Variants in CTPS2 observed in about 807,000 individuals in gnomAD.
The protein encoded by CTPS2 is CTP synthase 2.
In CTPS2, 19 loss-of-function variants were observed where a neutral mutation model predicts 46.8. The ratio of observed to expected loss-of-function variants is 0.41; its 90% CI spans 0.28 to 0.60. CTPS2 has a LOEUF of 0.60. Among genes scored for constraint, CTPS2 ranks in the 20% least tolerant of loss-of-function variants. The pLI, the probability that CTPS2 is intolerant of heterozygous loss-of-function variation, is 0.35. For synonymous variants in CTPS2, 151 were observed against 165.2 expected (o/e 0.91, Z 0.66); for missense variants, 286 against 447.6 (o/e 0.64, Z 3.26).
chrX:16,654,185 G>A lies in CTPS2; in HGVS notation c.1296+13329C>T, dbSNP rs73207115. The stretch of plus-strand genomic sequence containing the variant: ...TACGCATTGTATTAAAATAACAGAT[G>A]TGTGATATGGAGGACAAAAAGGTAG... On this transcript the variant is annotated intron_variant, in intron 13 of 18. Coordinates refer to ENST00000359276, the MANE Select transcript of CTPS2 (RefSeq NM_175859.3). 3.3e-3 allele frequency among the ~76,000 whole-genome samples: 372 copies of A among 112,744 alleles called. 2 individuals carry two copies. The highest frequency in any genetic ancestry group is 6.0e-3 in the Non-Finnish European group (322 of 53,377).
chrX:16,601,492 C>T (rs1239817045), intron 17 of CTPS2, among the ~76,000 whole-genome samples: 1 of 108,883 alleles, frequency 9.2e-6, no homozygotes, highest in East Asian at 2.9e-4. Flanking sequence ...ACAGGCAAAA[C>T]CCTCTGGGGA....
In CTPS2 at chrX:16,624,941, A is replaced by G. The variant is rs541983455; in HGVS notation, c.1394-4609T>C. ...AAAAACCACCTTTCCAAATTATACC[A>G]TCTCTTTCTCTAATTTGCTACTGGG... On this transcript the variant is annotated intron_variant, in intron 14 of 18. Transcript: ENST00000359276. 9.8e-5 allele frequency among the ~76,000 whole-genome samples: 11 copies of G among 112,037 alleles called. No homozygotes were observed. In the South Asian group the frequency reaches 3.4e-3, roughly 34 times the overall value.
At chrX:16,686,015 T>C (rs1455342590) in intron 8 of CTPS2, among the ~76,000 whole-genome samples, 2 of 110,729 alleles carry the variant, frequency 1.8e-5, no homozygotes, top group Non-Finnish European at 3.8e-5. Context: ...ATAGAGGCTG[T>C]TCCTTTGGCC....
In CTPS2 at chrX:16,693,110, A is replaced by T. The variant is rs376536894; in HGVS notation, c.639+31T>A. 7.8e-5 allele frequency: 77 copies of T among 993,341 alleles called. 1 individual carries two copies. Among genetic ancestry groups the T allele is most frequent in the African/African-American group, 7.5e-4 (39 of 52,205 alleles). The allele number at this position is 993,341 out of a possible 1,213,427, so 81.9% of individuals were successfully genotyped here. A position where few individuals can be genotyped will look rare whatever the true frequency, so the allele number is the denominator to read the frequency against. Reference sequence around the variant, plus strand: ...GAAGGTCCTGCTCCCAGAGACCTTCAGGATAGACTTACCCACTGTCCTCAA... The same window carrying T: ...GAAGGTCCTGCTCCCAGAGACCTTCTGGATAGACTTACCCACTGTCCTCAA... On this transcript the variant is annotated intron_variant, in intron 6 of 18. Coordinates refer to ENST00000359276, the MANE Select transcript of CTPS2 (RefSeq NM_175859.3).
At chrX:16,671,962 C>G (rs1433592070) in intron 10 of CTPS2, among the ~76,000 whole-genome samples, 2 of 110,826 alleles carry the variant, frequency 1.8e-5, no homozygotes, top group Admixed American at 1.9e-4. Flanking sequence ...GGGTTAGAGG[C>G]CCAACTTAGA....
intron 4 of CTPS2, among the ~76,000 whole-genome samples, chrX:16,696,914 T>C (rs1306522127): frequency 9.0e-6 from 1 of 110,767 alleles, no homozygotes; most frequent in Non-Finnish European, 1.9e-5. Flanking sequence ...TATTATCTTA[T>C]TATTATAATA....
At chrX:16,630,347 C>T (rs772980850) in intron 14 of CTPS2, among the ~76,000 whole-genome samples, 10 of 103,439 alleles carry the variant, frequency 9.7e-5, no homozygotes, top group Non-Finnish European at 1.6e-4. Flanking sequence ...CTCTGCCTCC[C>T]GGGTTCCAGC....
intron 13 of CTPS2, among the ~76,000 whole-genome samples, chrX:16,639,735 A>C (rs991341754): frequency 3.9e-5 from 4 of 102,645 alleles, no homozygotes; most frequent in Non-Finnish European, 5.9e-5. Context: ...AAAAAAGAGA[A>C]AGAAAGAAAG....
At chrX:16,643,416 A>T (rs1172798818) in intron 13 of CTPS2, among the ~76,000 whole-genome samples, 2 of 110,766 alleles carry the variant, frequency 1.8e-5, no homozygotes, top group Non-Finnish European at 3.8e-5. Context: ...CATGTTGCCC[A>T]GGCTGGTCTT....
intron 10 of CTPS2, among the ~76,000 whole-genome samples, chrX:16,671,584 G>A (rs1235358767): frequency 1.0e-5 from 1 of 96,016 alleles, no homozygotes; most frequent in Non-Finnish European, 2.0e-5. Flanking sequence ...GCGCGATCTC[G>A]GCCCTCTCCA....
At chrX:16,673,371 G>C (rs765214597) in intron 10 of CTPS2, among the ~76,000 whole-genome samples, 48 of 110,982 alleles carry the variant, frequency 4.3e-4, no homozygotes, top group African/African-American at 1.4e-3. Flanking sequence ...AACTAGATAA[G>C]GGTTCCCTCT....
In CTPS2 at chrX:16,639,132, A is replaced by G. The variant is rs1931918076; in HGVS notation, c.1393+15T>C. On this transcript the variant is annotated intron_variant, in intron 14 of 18. Transcript: ENST00000359276. The stretch of plus-strand genomic sequence containing the variant: ...CATCCAACATCTTGTAAAATAAACA[A>G]TATGGGAAACTTACTTAATATTGAA... 9.6e-6 allele frequency: 11 copies of G among 1,146,146 alleles called. No homozygotes were observed. Among genetic ancestry groups the G allele is most frequent in the African/African-American group, 1.8e-5 (1 of 55,953 alleles). 94.5% of individuals were successfully genotyped at this position (1,146,146 alleles called of 1,213,427 possible).
rs768315716 is a variant in CTPS2 at position 16,620,289 on chromosome X, T to C, written c.1437A>G (p.Arg479=). The change falls in exon 15 of 19, where the codon AGA becomes AGG. Residue 479 remains arginine, a synonymous_variant. Transcript: ENST00000359276. ...ATGAAAGCCGTACCTCGAACCGATG[T>C]CTGTGTCTTTCTTCTATAAAAGGAA... ...GDVPFIEERH[R]HRFEVNPNLI... The C allele has an allele frequency of 8.3e-7, 1 of 1,203,847 alleles. No homozygotes were observed. The highest frequency in any genetic ancestry group is 1.1e-6 in the Non-Finnish European group (1 of 888,864).
chrX:16,693,333 T>C, intron 5 of CTPS2, 38 bp downstream of exon 5: 6 of 1,086,144 alleles, frequency 5.5e-6, no homozygotes, highest in Non-Finnish European at 7.7e-6. Flanking sequence ...GGAAAACTTA[T>C]CAAAGTTGCT....
chrX:16,640,972 G>A (rs1307546968), intron 13 of CTPS2, among the ~76,000 whole-genome samples: 1 of 111,848 alleles, frequency 8.9e-6, no homozygotes. Context: ...GAAGAAACTC[G>A]ATGACCTCCC....
chrX:16,702,005 T>C (rs1602291505), intron 2 of CTPS2, among the ~76,000 whole-genome samples: 1 of 111,586 alleles, frequency 9.0e-6, no homozygotes, highest in Non-Finnish European at 1.9e-5. Context: ...TTTTTGCTTG[T>C]ATATAAAAAG....
At chrX:16,673,920 G>A (rs1348792107) in intron 10 of CTPS2, among the ~76,000 whole-genome samples, 1 of 111,563 alleles carries the variant, frequency 9.0e-6, no homozygotes, top group Admixed American at 9.6e-5. Flanking sequence ...ACCTTATCTA[G>A]TGTCCTAGGC....
At chrX:16,639,847 A>G (rs1569207313) in intron 13 of CTPS2, among the ~76,000 whole-genome samples, 11 of 111,397 alleles carry the variant, frequency 9.9e-5, no homozygotes, top group Non-Finnish European at 3.8e-5. Flanking sequence ...GAAAAGGAAA[A>G]GAAAAGAAAA....
At chrX:16,690,947 G>A (rs932184607) in intron 7 of CTPS2, among the ~76,000 whole-genome samples, 6 of 112,243 alleles carry the variant, frequency 5.3e-5, no homozygotes, top group Non-Finnish European at 9.4e-5. Flanking sequence ...AAGTGTTCCA[G>A]AAGGAAACAC....
Sources: allele counts gnomAD v4.1 joint callset (sites outside exome capture counted in the v4.1 genomes callset), GRCh38; gene constraint gnomAD v4.1.1; transcripts MANE v1.5; gene names NCBI Gene and HGNC (gene_info 2026-07-23, HGNC 2026-07-21).